The following DAB2IP variants were observed in gnomAD, a reference collection of about 807,000 sequenced individuals.
DAB2IP encodes DAB2 interacting protein, also known as disabled homolog 2-interacting protein.
A neutral mutation model predicts 107.2 loss-of-function variants in DAB2IP; 28 were observed. The observed-to-expected ratio is 0.26, with a 90% CI of 0.19 to 0.36. The LOEUF (loss-of-function observed/expected upper bound fraction) is 0.36, where lower values mean the gene tolerates loss of function less well. Among genes scored for constraint, DAB2IP ranks in the 10% least tolerant of loss-of-function variants. DAB2IP has a pLI of 1.00. For missense variants in DAB2IP, 1,400 were observed against 1,644.7 expected, an observed-to-expected ratio of 0.85 and a Z score of 2.57; for synonymous variants, 755 against 706.4, an observed-to-expected ratio of 1.07 and a Z score of -1.09.
rs1157592311 is a variant in DAB2IP at position 121,757,294 on chromosome 9, G to GCTAGTA, written c.516+129_516+134dup. 4.0e-6 allele frequency: 5 copies of GCTAGTA among 1,260,668 alleles called. No individual in the cohort carries two copies. In the African/African-American group the frequency reaches 7.6e-5, roughly 19 times the overall value. The allele number at this position is 1,260,668 out of a possible 1,614,324, so 78.1% of individuals were successfully genotyped here. ...AGGGGCCAGGGTCTTGGGGACAGTG[G>GCTAGTA]CTAGTAGTTACCGATAGCTTTCAGC... On this transcript the variant is annotated intron_variant, in intron 4 of 15. Coordinates refer to ENST00000408936, the Ensembl canonical transcript of DAB2IP.
chr9:121,770,864 C>A, intron 11 of DAB2IP, 140 bp downstream of exon 11: 6 of 1,171,502 alleles, frequency 5.1e-6, no homozygotes, highest in Non-Finnish European at 7.0e-6. Context: ...TGTACAGGTC[C>A]TAAGTGGTGA....
At chr9:121,665,203 T>C (rs1478523576) in intron 1 of DAB2IP, among the ~76,000 whole-genome samples, 2 of 152,224 alleles carry the variant, frequency 1.3e-5, no homozygotes, top group Admixed American at 6.5e-5. Flanking sequence ...TTTAATAATA[T>C]AGATTTCAAA....
upstream of DAB2IP, among the ~76,000 whole-genome samples, chr9:121,648,620 C>T (rs1589450387): frequency 5.3e-5 from 8 of 152,280 alleles, 1 homozygote; most frequent in Admixed American, 5.2e-4. Context: ...AGGCCCCATC[C>T]AGACCCACTG....
chr9:121,680,037 C>T (rs756536037), intron 2 of DAB2IP, among the ~76,000 whole-genome samples: 11 of 152,220 alleles, frequency 7.2e-5, no homozygotes, highest in Non-Finnish European at 1.0e-4. Context: ...ATCACAGCAG[C>T]CTGCTCTTCT....
chr9:121,739,707 G>A (rs1398117940), intron 3 of DAB2IP, among the ~76,000 whole-genome samples: 1 of 152,224 alleles, frequency 6.6e-6, no homozygotes. Context: ...AGGTGTCCCA[G>A]AGGCGCTGTC....
intron 4 of DAB2IP, among the ~76,000 whole-genome samples, chr9:121,758,369 G>T (rs1352829654): frequency 6.6e-6 from 1 of 152,282 alleles, no homozygotes; most frequent in East Asian, 1.9e-4. Flanking sequence ...CTCCAGTCTG[G>T]CATAAAAAAT....
At chr9:121,753,597 G>A (rs1171867927) in intron 3 of DAB2IP, among the ~76,000 whole-genome samples, 5 of 152,174 alleles carry the variant, frequency 3.3e-5, no homozygotes, top group African/African-American at 4.8e-5. Context: ...GGCCTTGGGC[G>A]GCTCAAGTAA....
At chr9:121,758,907 T>A in exon 5 of DAB2IP, 1 of 1,613,364 alleles carries the variant, frequency 6.2e-7, no homozygotes, top group Non-Finnish European at 8.5e-7. Context: ...GGTGACGACG[T>A]CATCAGGAAG....
intron 1 of DAB2IP, among the ~76,000 whole-genome samples, chr9:121,573,997 C>T (rs890649426): frequency 2.0e-5 from 3 of 152,150 alleles, no homozygotes; most frequent in Non-Finnish European, 4.4e-5. Context: ...CTGGCCAAGG[C>T]GAGAGGCAGA....
chr9:121,689,287 C>G (rs1403187138), intron 2 of DAB2IP, among the ~76,000 whole-genome samples: 1 of 147,492 alleles, frequency 6.8e-6, no homozygotes, highest in African/African-American at 2.6e-5. Context: ...GAGTGAAATT[C>G]CATCTAAAAA....
intron 2 of DAB2IP, among the ~76,000 whole-genome samples, chr9:121,690,569 G>C (rs904328118): frequency 6.6e-6 from 1 of 152,142 alleles, no homozygotes; most frequent in Non-Finnish European, 1.5e-5. Context: ...CTCCCTGGCT[G>C]CTCTGGGTTG....
chr9:121,775,039 C>CT (rs1835099168), intron 13 of DAB2IP, among the ~76,000 whole-genome samples: 1 of 152,236 alleles, frequency 6.6e-6, no homozygotes, highest in Admixed American at 6.5e-5. Flanking sequence ...GCCACACACT[C>CT]TGCCATCTGC....
chr9:121,666,684 C>T (rs1833447281), intron 1 of DAB2IP, among the ~76,000 whole-genome samples: 2 of 152,138 alleles, frequency 1.3e-5, no homozygotes, highest in South Asian at 4.2e-4. Flanking sequence ...TTGATGGGTG[C>T]AGCAAACCAC....
intron 3 of DAB2IP, among the ~76,000 whole-genome samples, chr9:121,745,495 C>T (rs138166417): frequency 3.2e-4 from 48 of 152,324 alleles, no homozygotes; most frequent in Middle Eastern, 3.4e-3. Flanking sequence ...TGGTGCCCCA[C>T]GCAGACTTCC....
chr9:121,713,552 C>T (rs1830440446), intron 3 of DAB2IP, among the ~76,000 whole-genome samples: 2 of 152,166 alleles, frequency 1.3e-5, no homozygotes, highest in South Asian at 4.1e-4. Context: ...GCCCCAGAAA[C>T]TGGGTATGCA....
intron 1 of DAB2IP, among the ~76,000 whole-genome samples, chr9:121,632,011 G>T (rs528255762): frequency 6.6e-6 from 1 of 152,090 alleles, no homozygotes; most frequent in Admixed American, 6.5e-5. Context: ...ATCTGATGGG[G>T]AATGTGGAGA....
chr9:121,740,443 G>A (rs1262377736), intron 3 of DAB2IP, among the ~76,000 whole-genome samples: 2 of 152,152 alleles, frequency 1.3e-5, no homozygotes, highest in Non-Finnish European at 2.9e-5. Flanking sequence ...AGAGTATCCT[G>A]GAGCCTGGCT....
intron 1 of DAB2IP, among the ~76,000 whole-genome samples, chr9:121,640,713 C>G (rs1329490037): frequency 6.6e-6 from 1 of 152,222 alleles, no homozygotes; most frequent in East Asian, 1.9e-4. Context: ...ACTTTGCCTG[C>G]TACAGCTTCC....
At chr9:121,721,947 G>T (rs1427858891) in intron 3 of DAB2IP, among the ~76,000 whole-genome samples, 1 of 152,202 alleles carries the variant, frequency 6.6e-6, no homozygotes, top group East Asian at 1.9e-4. Context: ...ATCCTTGCAT[G>T]CCCTGGACGT....
Sources: gnomAD v4.1 joint callset for allele counts (sites outside exome capture counted in the v4.1 genomes callset) on GRCh38, gnomAD v4.1.1 for gene constraint, MANE v1.5 for transcripts, NCBI Gene and HGNC (gene_info 2026-07-23, HGNC 2026-07-21) for gene names.